The following SLC25A33 variants were observed in gnomAD, a reference collection of about 807,000 sequenced individuals.
SLC25A33 encodes the protein solute carrier family 25 member 33.
In SLC25A33, 15 loss-of-function variants were observed where a neutral mutation model predicts 35.5. That is an observed-to-expected ratio of 0.42 (90% confidence interval 0.28 to 0.65). The LOEUF is 0.65. Among genes scored for constraint, SLC25A33 ranks in the 30% least tolerant of loss-of-function variants. SLC25A33 has a pLI of 0.20. For synonymous variants in SLC25A33, 136 were observed against 148.7 expected (o/e 0.91, Z 0.62); for missense variants, 257 against 398.5 (o/e 0.64, Z 3.02).
intron 1 of SLC25A33, among the ~76,000 whole-genome samples, chr1:9,553,230 G>GTTTTTTTTTTTTTTTTT (rs1340250968): frequency 1.1e-5 from 1 of 91,214 alleles, no homozygotes; most frequent in Non-Finnish European, 2.0e-5. Flanking sequence ...TTTTTTTTGG[G>GTTTTTTTTTTTTTTTTT]TTTTTTTTTT....
intron 4 of SLC25A33, among the ~76,000 whole-genome samples, 191 bp from the exon 5 acceptor site, chr1:9,573,155 A>G (rs1271021405): frequency 6.6e-6 from 1 of 152,210 alleles, no homozygotes; most frequent in East Asian, 1.9e-4. Context: ...AGATCCAGCA[A>G]TACCAATAGA....
At chr1:9,568,216 T>A (rs994323048) in intron 3 of SLC25A33, among the ~76,000 whole-genome samples, 4 of 147,542 alleles carry the variant, frequency 2.7e-5, no homozygotes, top group African/African-American at 1.0e-4. Context: ...CTGAGGCAGG[T>A]GGATCACCAG....
At chr1:9,571,830 GGAGTTTA>G in intron 4 of SLC25A33, among the ~76,000 whole-genome samples, 3 of 152,072 alleles carry the variant, frequency 2.0e-5, no homozygotes, top group Admixed American at 1.3e-4. Context: ...TTGTAGAAAT[GGAGTTTA>G]ACCATGTTGC....
intron 3 of SLC25A33, among the ~76,000 whole-genome samples, chr1:9,568,113 C>G (rs1323731899): frequency 6.6e-6 from 1 of 152,292 alleles, no homozygotes; most frequent in South Asian, 2.1e-4. Context: ...GTAACAGAGA[C>G]AGATAGAGAA....
chr1:9,559,633 A>C (rs1643392464), intron 2 of SLC25A33, among the ~76,000 whole-genome samples: 1 of 152,118 alleles, frequency 6.6e-6, no homozygotes, highest in South Asian at 2.1e-4. Flanking sequence ...CCTGTTAATA[A>C]GTTCTAAAGG....
chr1:9,581,944 G>A (rs370167662), intron 6 of SLC25A33, among the ~76,000 whole-genome samples: 1 of 152,078 alleles, frequency 6.6e-6, no homozygotes. Context: ...TTTTGAGACA[G>A]AGTCTTGCTT....
At position 9,575,352 on chromosome 1, in the gene SLC25A33, C is replaced by T. The variant is rs532541188; in HGVS notation, c.482+1940C>T. On this transcript the variant is annotated intron_variant, in intron 5 of 6. Coordinates refer to ENST00000302692, the MANE Select transcript of SLC25A33 (RefSeq NM_032315.3). ...GGAGGCAGAGCTGGGCGTAGTGGCTCATGCCTGTAATCCCAGCACTTTGGG... is the reference window on the plus strand; with the variant it reads ...GGAGGCAGAGCTGGGCGTAGTGGCTTATGCCTGTAATCCCAGCACTTTGGG... Among the ~76,000 whole-genome samples the T allele has an allele frequency of 2.6e-4, 40 of 152,062 alleles. No homozygotes were observed. The South Asian group carries it at 8.1e-3, about 31-fold the overall frequency.
In SLC25A33 at chr1:9,582,425, G is replaced by A; in HGVS notation, c.890G>A (p.Arg297Gln). The change falls in exon 7 of 7, where the codon CGG (arginine) becomes CAG (glutamine). Residue 297 changes from arginine (R) to glutamine (Q), a missense_variant. Physicochemically the swap from Arg to Gln is conservative, Grantham distance 43. Coordinates refer to ENST00000302692, the MANE Select transcript of SLC25A33 (RefSeq NM_032315.3). This position sits in a 1 kb window ranked among gnomAD's most constrained non-coding sequence, Gnocchi z 4.0. ...FYRGLFAQLI[R>Q]QIPNTAIVLS... ...AGAGGACTGTTTGCCCAGCTTATCC[G>A]GCAGATCCCAAATACTGCCATTGTG... 7 of 1,613,922 alleles carry A rather than the reference G, an allele frequency of 4.3e-6. No homozygotes were observed. Among genetic ancestry groups the A allele is most frequent in the Non-Finnish European group, 5.1e-6 (6 of 1,179,854 alleles).
chr1:9,562,428 A>G (rs1169285657), intron 2 of SLC25A33, among the ~76,000 whole-genome samples: 1 of 152,120 alleles, frequency 6.6e-6, no homozygotes, highest in Non-Finnish European at 1.5e-5. Flanking sequence ...AGGCAGCAGA[A>G]TTGCTTGAAC....
At chr1:9,549,424 G>T (rs1434133876) in intron 1 of SLC25A33, among the ~76,000 whole-genome samples, 1 of 88,842 alleles carries the variant, frequency 1.1e-5, no homozygotes, top group African/African-American at 4.6e-5. Context: ...AATGGGGGGG[G>T]ATGAACTGAT....
intron 1 of SLC25A33, among the ~76,000 whole-genome samples, chr1:9,542,940 C>T (rs1643114640): frequency 6.6e-6 from 1 of 151,846 alleles, no homozygotes; most frequent in African/African-American, 2.4e-5. Context: ...GCCTCAGCCT[C>T]CCCGGTAGCT....
At chr1:9,579,189 A>G (rs1643703025) in intron 5 of SLC25A33, among the ~76,000 whole-genome samples, 1 of 152,218 alleles carries the variant, frequency 6.6e-6, no homozygotes, top group South Asian at 2.1e-4. Context: ...TTCTGTGACC[A>G]AATGTGTAGG....
At chr1:9,559,606 G>A (rs879621151) in intron 2 of SLC25A33, among the ~76,000 whole-genome samples, 1 of 151,854 alleles carries the variant, frequency 6.6e-6, no homozygotes. Flanking sequence ...ACTCTTCGGG[G>A]GAAATTTGTA....
chr1:9,552,702 A>G (rs1643282890), intron 1 of SLC25A33, among the ~76,000 whole-genome samples: 1 of 152,162 alleles, frequency 6.6e-6, no homozygotes, highest in South Asian at 2.1e-4. Flanking sequence ...GTCCAACAGT[A>G]GGAAATTGGT....
chr1:9,577,234 G>T (rs968993191), intron 5 of SLC25A33, among the ~76,000 whole-genome samples: 27 of 152,270 alleles, frequency 1.8e-4, no homozygotes, highest in African/African-American at 6.0e-4. Flanking sequence ...GAGGTGTGCG[G>T]ATCACTTGAG....
intron 3 of SLC25A33, among the ~76,000 whole-genome samples, chr1:9,569,396 T>C (rs1363669094): frequency 6.6e-6 from 1 of 152,222 alleles, no homozygotes; most frequent in Non-Finnish European, 1.5e-5. Flanking sequence ...GTGTGCCTTA[T>C]TCATAGATGG....
Position 9,565,288 on chromosome 1 carries a change from G to A in SLC25A33, c.237-1996G>A, listed in dbSNP as rs146900007. Among the ~76,000 whole-genome samples, 1,029 of 150,056 alleles carry A rather than the reference G, an allele frequency of 6.9e-3. 10 individuals are homozygous for A. The highest frequency in any genetic ancestry group is 0.024 in the African/African-American group (985 of 40,734). On this transcript the variant is annotated intron_variant, in intron 2 of 6. Coordinates refer to ENST00000302692, the MANE Select transcript of SLC25A33 (RefSeq NM_032315.3). Reference sequence around the variant, plus strand: ...TCCCAGCACTTTGGGAGGCCTAGGTGGGTGGATCACGAGGTCAGGAGTTCA... The same window carrying A: ...TCCCAGCACTTTGGGAGGCCTAGGTAGGTGGATCACGAGGTCAGGAGTTCA...
chr1:9,550,038 T>TTG (rs1553145253), intron 1 of SLC25A33, among the ~76,000 whole-genome samples: 5 of 126,396 alleles, frequency 4.0e-5, no homozygotes, highest in African/African-American at 6.5e-5. Flanking sequence ...TTTTTTTTTT[T>TTG]GAGACGGGGT....
chr1:9,552,675 T>C (rs958369893), intron 1 of SLC25A33, among the ~76,000 whole-genome samples: 1 of 152,160 alleles, frequency 6.6e-6, no homozygotes, highest in East Asian at 1.9e-4. Context: ...GGTAGTGAAA[T>C]TGGAAATTAC....
Sources: gnomAD v4.1 joint callset for allele counts (sites outside exome capture counted in the v4.1 genomes callset) on GRCh38, gnomAD v4.1.1 for gene constraint, Gnocchi (gnomAD v3.1) non-coding constraint, MANE v1.5 for transcripts, NCBI Gene and HGNC (gene_info 2026-07-23, HGNC 2026-07-21) for gene names.